Variants in DNAAF8 observed in about 807,000 individuals in gnomAD.
DNAAF8 encodes the protein dynein axonemal assembly factor 8.
DNAAF8 carries 61 observed loss-of-function variants against 54.6 expected under a neutral mutation model. The observed-to-expected ratio is 1.12, with a 90% CI of 0.91 to 1.38. The LOEUF (loss-of-function observed/expected upper bound fraction) is 1.38. Among genes scored for constraint, DNAAF8 ranks in the 40% most tolerant of loss-of-function variants. The pLI is 0.00. For synonymous variants in DNAAF8, 320 were observed against 270.1 expected (o/e 1.18, Z -1.81); for missense variants, 837 against 665.0 (o/e 1.26, Z -2.85).
intron 4 of DNAAF8, 138 bp downstream of exon 4, chr16:4,740,797 C>A: frequency 1.7e-6 from 2 of 1,152,616 alleles, no homozygotes; most frequent in Non-Finnish European, 2.4e-6. Flanking sequence ...ATTCTGTGTA[C>A]CTGTCTCAGT....
chr16:4,740,986 C>T (rs952999484), intron 4 of DNAAF8, among the ~76,000 whole-genome samples: 2 of 150,136 alleles, frequency 1.3e-5, no homozygotes, highest in African/African-American at 4.9e-5. Context: ...CCATCCTGGT[C>T]AACACAGTGA....
At position 4,737,853 on chromosome 16, in the gene DNAAF8, G is replaced by A; in HGVS notation, c.183G>A (p.Leu61=). 1.9e-6 allele frequency: 3 copies of A among 1,614,130 alleles called. No homozygotes were observed. Among genetic ancestry groups the A allele is most frequent in the Non-Finnish European group, 2.5e-6 (3 of 1,179,966 alleles). ...TCTTCCAGCGAAACCAAACCTCCCTGATTCCAGACCTGTCGGAGGAGCTGG... is the reference window on the plus strand; with the variant it reads ...TCTTCCAGCGAAACCAAACCTCCCTAATTCCAGACCTGTCGGAGGAGCTGG... ...LFIFQRNQTS[L]IPDLSEELAE... is the part of the protein sequence containing the mutation. Residue 61 remains leucine (L), a synonymous_variant, in exon 3 of 10, where the codon CTG becomes CTA. Coordinates refer to ENST00000299320, the MANE Select transcript of DNAAF8 (RefSeq NM_139170.3).
At position 4,746,410 on chromosome 16, in the gene DNAAF8, C is replaced by A. The variant is rs2082018053; in HGVS notation, c.1079C>A (p.Pro360Gln). The A allele has an allele frequency of 6.2e-7, 1 of 1,613,254 alleles. No homozygotes were observed. The highest frequency in any genetic ancestry group is 1.3e-5 in the African/African-American group (1 of 74,906). ...ASRKQGSQAG[P>Q]GPQLAQGMRL... ...AGGAAGCAGGGCTCCCAGGCTGGGC[C>A]AGGCCCGCAGCTGGCCCAGGGCATG... The change falls in exon 7 of 10, where the codon CCA (proline) becomes CAA (glutamine). Residue 360 changes from proline (P) to glutamine (Q), a missense_variant. Transcript: ENST00000299320.
rs918955863 is a variant in DNAAF8 at position 4,746,958 on chromosome 16, G to A, written c.1213G>A (p.Glu405Lys). ...CCACAGCTCCTCTGACAGTGAGGAG[G>A]AGGAGGAGGAAGAGATGGCAGCTCT... ...SSHSSSDSEE[E>K]EEEEMAALGD... The change falls in exon 8 of 10, where the codon GAG becomes AAG. Residue 405 changes from glutamate (E) to lysine (K), a missense_variant. Glu to Lys is a moderately conservative substitution (Grantham distance 56). Transcript: ENST00000299320. 3 of 1,555,766 alleles carry A rather than the reference G, an allele frequency of 1.9e-6. No individual in the cohort carries two copies. The highest frequency in any genetic ancestry group is 2.6e-6 in the Non-Finnish European group (3 of 1,154,950).
At chr16:4,747,120 G>T (rs1285550844) in intron 8 of DNAAF8, 95 bp downstream of exon 8, 2 of 1,302,694 alleles carry the variant, frequency 1.5e-6, no homozygotes, top group Admixed American at 2.8e-5. Flanking sequence ...CTGTGGTGAG[G>T]TCTTGCTGCA....
chr16:4,741,233 C>CAAAA (rs756159698), intron 4 of DNAAF8, among the ~76,000 whole-genome samples: 1 of 70,770 alleles, frequency 1.4e-5, no homozygotes, highest in Non-Finnish European at 3.0e-5. Flanking sequence ...GACTCCATCT[C>CAAAA]AAAAAAAAAA....
At position 4,736,644 on chromosome 16, in the gene DNAAF8, G is replaced by A. The variant is rs1346278669; in HGVS notation, c.129+1G>A. On this transcript the variant is annotated splice_donor_variant, in intron 2 of 9. Transcript: ENST00000299320. LOFTEE classifies it high-confidence loss of function. ...GTCTCTGGACTCAGACTCCCCTTTG[G>A]TAAGCAAGAACTCTCTCCCTGGATG... 2 of 1,561,114 alleles carry A rather than the reference G, an allele frequency of 1.3e-6. No homozygotes were observed. Among genetic ancestry groups the A allele is most frequent in the African/African-American group, 1.3e-5 (1 of 74,248 alleles).
chr16:4,746,368 A>G lies in DNAAF8; in HGVS notation c.1044-7A>G, dbSNP rs371811186. The G allele has an allele frequency of 1.5e-5, 24 of 1,606,888 alleles. No homozygotes were observed. The highest frequency in any genetic ancestry group is 1.8e-5 in the Non-Finnish European group (21 of 1,176,392). On this transcript the variant is annotated splice_polypyrimidine_tract_variant and splice_region_variant and intron_variant, in intron 6 of 9. Transcript: ENST00000299320. ...TGACTCCACAACACCTGCTTTTCTC[A>G]TTTCAGATGTGCCTCAAGGAAGCAG...
intron 7 of DNAAF8, 124 bp from the exon 8 acceptor site, chr16:4,746,803 C>T: frequency 2.1e-6 from 2 of 933,562 alleles, no homozygotes; most frequent in South Asian, 3.6e-5. Context: ...GTCCACCGGC[C>T]TCCAGTGTGG....
chr16:4,747,760 T>C (rs2082036876), intron 9 of DNAAF8, 126 bp downstream of exon 9: 1 of 1,190,270 alleles, frequency 8.4e-7, no homozygotes, highest in Non-Finnish European at 1.2e-6. Flanking sequence ...CCTCAGACTT[T>C]GGACTGTTGC....
intron 4 of DNAAF8, 145 bp from the exon 5 acceptor site, chr16:4,742,898 T>G: frequency 1.4e-6 from 1 of 731,164 alleles, no homozygotes; most frequent in East Asian, 2.7e-5. Context: ...TCAGCCTATT[T>G]GCAAACTCTG....
Position 4,740,439 on chromosome 16 carries a change from C to T in DNAAF8, c.563C>T (p.Thr188Ile), listed in dbSNP as rs2081948278. The change falls in exon 4 of 10, where the codon ACT (threonine) becomes ATT (isoleucine). Residue 188 changes from threonine (T) to isoleucine (I), a missense_variant. Transcript: ENST00000299320. ...GACCCAAAGGCAGAGCCCCTCAGCACTGCCTCACAAGAATCTGTGAACCGC... is the reference window on the plus strand; with the variant it reads ...GACCCAAAGGCAGAGCCCCTCAGCATTGCCTCACAAGAATCTGTGAACCGC... ...EGDPKAEPLS[T>I]ASQESVNRRA... 23 of 1,614,058 alleles carry T rather than the reference C, an allele frequency of 1.4e-5. No individual in the cohort carries two copies. Among genetic ancestry groups the T allele is most frequent in the Non-Finnish European group, 1.9e-5 (22 of 1,180,008 alleles).
intron 3 of DNAAF8, 46 bp from the exon 4 acceptor site, chr16:4,740,107 G>A: frequency 1.3e-6 from 2 of 1,504,172 alleles, no homozygotes; most frequent in Non-Finnish European, 1.8e-6. Flanking sequence ...ATTCCCTGAA[G>A]CATGTTTTTG....
intron 2 of DNAAF8, 48 bp from the exon 3 acceptor site, chr16:4,737,752 G>A: frequency 1.2e-6 from 2 of 1,605,448 alleles, no homozygotes; most frequent in East Asian, 2.2e-5. Flanking sequence ...GGCCCTCAGG[G>A]CTCTGCCTGC....
At chr16:4,736,981 C>G (rs1424553414) in intron 2 of DNAAF8, among the ~76,000 whole-genome samples, 1 of 152,168 alleles carries the variant, frequency 6.6e-6, no homozygotes, top group Non-Finnish European at 1.5e-5. Flanking sequence ...CTATTCTCCA[C>G]TCTCTCGTGC....
At chr16:4,741,401 A>G (rs1345385409) in intron 4 of DNAAF8, among the ~76,000 whole-genome samples, 1 of 152,182 alleles carries the variant, frequency 6.6e-6, no homozygotes, top group African/African-American at 2.4e-5. Context: ...AAAATATGAA[A>G]GCCCTCATTC....
intron 6 of DNAAF8, 91 bp downstream of exon 6, chr16:4,745,102 C>T (rs571113186): frequency 2.1e-6 from 3 of 1,452,402 alleles, no homozygotes; most frequent in African/African-American, 1.4e-5. Flanking sequence ...GGGCGGGGCA[C>T]TCCATGTGCA....
At chr16:4,745,206 T>C (rs573259381) in intron 6 of DNAAF8, among the ~76,000 whole-genome samples, 195 bp downstream of exon 6, 2 of 152,280 alleles carry the variant, frequency 1.3e-5, no homozygotes, top group African/African-American at 4.8e-5. Context: ...AGGTTGACTC[T>C]CTCTGGCCAT....
At chr16:4,740,036 G>C (rs1416309804) in intron 3 of DNAAF8, 117 bp from the exon 4 acceptor site, 2 of 1,274,748 alleles carry the variant, frequency 1.6e-6, no homozygotes, top group African/African-American at 3.1e-5. Context: ...TGCAGCCTGG[G>C]CAACAAAGCG....
Sources: gnomAD v4.1 joint callset for allele counts (sites outside exome capture counted in the v4.1 genomes callset) on GRCh38, gnomAD v4.1.1 for gene constraint, MANE v1.5 for transcripts, NCBI Gene and HGNC (gene_info 2026-07-23, HGNC 2026-07-21) for gene names.